The following ITGA6 variants were observed in gnomAD, a reference collection of about 807,000 sequenced individuals.
The protein encoded by ITGA6 is integrin alpha-6.
Under a neutral mutation model 133.6 loss-of-function variants are expected in ITGA6, and 63 were observed. The observed-to-expected ratio is 0.47, with a 90% CI of 0.38 to 0.58. The LOEUF (loss-of-function observed/expected upper bound fraction) is 0.58, where lower values mean the gene tolerates loss of function less well. Ranked by LOEUF, ITGA6 falls within the 20% of genes least tolerant of loss-of-function variation. The pLI, the probability that ITGA6 is intolerant of heterozygous loss-of-function variation, is 0.00. For synonymous variants in ITGA6, 434 were observed against 482.0 expected (o/e 0.90, Z 1.30); for missense variants, 1,068 against 1,309.4 (o/e 0.82, Z 2.85).
At chr2:172,439,491 C>T (rs932411178) in intron 1 of ITGA6, among the ~76,000 whole-genome samples, 8 of 151,840 alleles carry the variant, frequency 5.3e-5, no homozygotes, top group Admixed American at 1.3e-4. Flanking sequence ...CTTGAGCATA[C>T]ATTCCCCTGG....
At chr2:172,486,702 A>G (rs995865898) in intron 13 of ITGA6, among the ~76,000 whole-genome samples, 2 of 152,180 alleles carry the variant, frequency 1.3e-5, no homozygotes, top group Admixed American at 6.5e-5. Context: ...CTATGATGAA[A>G]CTTGGACTCT....
intron 23 of ITGA6, among the ~76,000 whole-genome samples, chr2:172,496,122 G>A (rs927433194): frequency 5.3e-5 from 8 of 152,208 alleles, no homozygotes; most frequent in Admixed American, 3.3e-4. Flanking sequence ...TTTCATTGTA[G>A]TCAGCTTACC....
At chr2:172,445,752 G>C (rs1684743712) in intron 1 of ITGA6, among the ~76,000 whole-genome samples, 1 of 152,026 alleles carries the variant, frequency 6.6e-6, no homozygotes, top group Admixed American at 6.6e-5. Flanking sequence ...TGGGTAGCTG[G>C]TCTGAGGTGT....
chr2:172,457,833 C>T (rs776303647), intron 1 of ITGA6, among the ~76,000 whole-genome samples: 1 of 152,136 alleles, frequency 6.6e-6, no homozygotes, highest in Non-Finnish European at 1.5e-5. Context: ...AGATGGCAAA[C>T]TAGGTATATG....
rs138182078 is a variant in ITGA6, at chr2:172,474,279, A to C, written c.986+14A>C. On this transcript the variant is annotated intron_variant, in intron 6 of 25. Transcript: ENST00000684293. ...CAACAAGGATGGGTGAGAAAGCCTC[A>C]GGTTATATTATGCTGCAAATCATTT... 1,786 of 1,606,106 alleles carry C rather than the reference A, an allele frequency of 1.1e-3. 20 individuals carry two copies. In the African/African-American group the frequency reaches 0.02, roughly 18 times the overall value.
chr2:172,501,098 A>G (rs144147407), intron 24 of ITGA6, among the ~76,000 whole-genome samples: 456 of 152,334 alleles, frequency 3.0e-3, no homozygotes, highest in Non-Finnish European at 4.6e-3. Flanking sequence ...TATAGTAGAA[A>G]GTGGAATTAT....
At chr2:172,437,266 A>G (rs551173864) in intron 1 of ITGA6, among the ~76,000 whole-genome samples, 2 of 152,358 alleles carry the variant, frequency 1.3e-5, no homozygotes, top group South Asian at 2.1e-4. Context: ...AGTAGACTGT[A>G]TGAGGACAAA....
chr2:172,479,551 G>C, intron 9 of ITGA6, 90 bp from the exon 10 acceptor site: 1 of 1,023,952 alleles, frequency 9.8e-7, no homozygotes. Context: ...AAGCTGTGCT[G>C]GGCAGCTAAG....
intron 1 of ITGA6, among the ~76,000 whole-genome samples, chr2:172,460,194 G>T (rs1418168148): frequency 2.0e-5 from 3 of 152,186 alleles, no homozygotes; most frequent in Non-Finnish European, 2.9e-5. Flanking sequence ...TACTTATTTG[G>T]CTATGTAAAA....
Position 172,501,921 on chromosome 2 carries a change from T to A in ITGA6, c.*22+20T>A, listed in dbSNP as rs1196061642. ...TAATTGGTAATTGATCAATGTTTTTTAATTGCTAGCTGTGGGACCCGCTAT... is the reference window on the plus strand; with the variant it reads ...TAATTGGTAATTGATCAATGTTTTTAAATTGCTAGCTGTGGGACCCGCTAT... On this transcript the variant is annotated intron_variant, in intron 25 of 25. Transcript: ENST00000684293. 1 of 1,604,334 alleles carries A rather than the reference T, an allele frequency of 6.2e-7. No individual in the cohort carries two copies. Among genetic ancestry groups the A allele is most frequent in the Non-Finnish European group, 8.5e-7 (1 of 1,176,444 alleles).
rs772662105 is a variant in ITGA6 at position 172,467,583 on chromosome 2, A to ATCCTATAC, written c.387+25_387+32dup. 3.6e-5 allele frequency: 56 copies of ATCCTATAC among 1,575,732 alleles called. 1 individual carries two copies. The highest frequency in any genetic ancestry group is 4.5e-5 in the Non-Finnish European group (52 of 1,145,520). On this transcript the variant is annotated intron_variant, in intron 3 of 25. Coordinates refer to ENST00000684293, the MANE Select transcript of ITGA6 (RefSeq NM_000210.4). ...GTGGTAAGTGTAGAGACACATGTTC[A>ATCCTATAC]TCCTATACTGTTGGACTGCTGGTTA...
chr2:172,501,745 T>G (rs373520828), intron 24 of ITGA6, 27 bp from the exon 25 acceptor site: 8 of 1,608,834 alleles, frequency 5.0e-6, no homozygotes, highest in Non-Finnish European at 6.8e-6. Flanking sequence ...AACTGTAAAA[T>G]TGACTAAATA....
At chr2:172,434,057 G>A (rs1322434011) in intron 1 of ITGA6, among the ~76,000 whole-genome samples, 2 of 152,162 alleles carry the variant, frequency 1.3e-5, no homozygotes, top group East Asian at 3.8e-4. Context: ...TAGGAGGCTG[G>A]ATAACTTGCA....
At chr2:172,460,260 TA>T (rs1559129378) in intron 1 of ITGA6, among the ~76,000 whole-genome samples, 1 of 106,974 alleles carries the variant, frequency 9.3e-6, no homozygotes, top group Non-Finnish European at 2.3e-5. Context: ...ATAGGTCCTG[TA>T]AGTGTAAAGG....
At chr2:172,487,674 C>G in intron 16 of ITGA6, 44 bp downstream of exon 16, 1 of 1,583,932 alleles carries the variant, frequency 6.3e-7, no homozygotes, top group Non-Finnish European at 8.7e-7. Flanking sequence ...TTTTAAATAC[C>G]ATTGCAGTGT....
At chr2:172,434,439 G>A (rs1238381376) in intron 1 of ITGA6, among the ~76,000 whole-genome samples, 1 of 152,126 alleles carries the variant, frequency 6.6e-6, no homozygotes, top group Admixed American at 6.5e-5. Context: ...CCAGCATACC[G>A]ATTCCGAGGT....
At chr2:172,480,575 G>C (rs980135406) in intron 11 of ITGA6, among the ~76,000 whole-genome samples, 4 of 152,114 alleles carry the variant, frequency 2.6e-5, no homozygotes, top group African/African-American at 4.8e-5. Flanking sequence ...GGCCCTGAGA[G>C]GTCAGAGACC....
rs1490996431 is a variant in ITGA6, at chr2:172,487,755, A to C, written c.2272A>C (p.Thr758Pro). The change falls in exon 17 of 26, where the codon ACT (threonine) becomes CCT (proline). Residue 758 changes from threonine (T) to proline (P), a missense_variant. Around this residue, in one of 3 missense-constraint regions of ITGA6, gnomAD observed 609 missense variants for 707.2 expected, o/e 0.86. Coordinates refer to ENST00000684293, the MANE Select transcript of ITGA6 (RefSeq NM_000210.4). Reference sequence around the variant, plus strand: ...CACTTTTTATTTGGTTTTAAGTACAACTGAAGTCACCTTTGACACCCCAGA... The same window carrying C: ...CACTTTTTATTTGGTTTTAAGTACACCTGAAGTCACCTTTGACACCCCAGA... ...NVTFYLVLST[T>P]EVTFDTPDLD... 8 of 1,612,850 alleles carry C rather than the reference A, an allele frequency of 5.0e-6. No individual in the cohort carries two copies. The highest frequency in any genetic ancestry group is 6.8e-6 in the Non-Finnish European group (8 of 1,178,974).
At chr2:172,456,057 A>C (rs1172129938) in intron 1 of ITGA6, among the ~76,000 whole-genome samples, 2 of 152,214 alleles carry the variant, frequency 1.3e-5, no homozygotes, top group Non-Finnish European at 2.9e-5. Flanking sequence ...CAGTCGAGGC[A>C]GGCCACCAGG....
Sources: gnomAD v4.1 joint callset for allele counts (sites outside exome capture counted in the v4.1 genomes callset) on GRCh38, gnomAD v4.1.1 for gene constraint, gnomAD v4.1.1 regional missense constraint, MANE v1.5 for transcripts, NCBI Gene and HGNC (gene_info 2026-07-23, HGNC 2026-07-21) for gene names.